Variants in METTL25 observed in about 807,000 individuals in gnomAD.
The protein encoded by METTL25 is probable methyltransferase-like protein 25.
A neutral mutation model predicts 71.6 loss-of-function variants in METTL25; 64 were observed. The observed-to-expected ratio is 0.89, with a 90% CI of 0.73 to 1.10. The LOEUF is 1.10. Among genes scored for constraint, METTL25 ranks in the 50% least tolerant of loss-of-function variants. METTL25 has a pLI of 0.00. For synonymous variants in METTL25, 287 were observed against 250.3 expected (o/e 1.15, Z -1.38); for missense variants, 807 against 707.0 (o/e 1.14, Z -1.60).
intron 5 of METTL25, among the ~76,000 whole-genome samples, chr12:82,411,854 G>A (rs1007038765): frequency 4.6e-5 from 7 of 151,980 alleles, no homozygotes; most frequent in African/African-American, 1.7e-4. Context: ...ACAATTCCAC[G>A]CTTCGGTATT....
intron 5 of METTL25, among the ~76,000 whole-genome samples, chr12:82,424,285 G>A (rs557988811): frequency 1.3e-5 from 2 of 151,664 alleles, no homozygotes; most frequent in African/African-American, 4.8e-5. Flanking sequence ...CTATCGCAAG[G>A]ACAAAAAACC....
Position 82,358,637 on chromosome 12 carries a change from G to A in METTL25, c.72G>A (p.Leu24=), listed in dbSNP as rs558091017. The change falls in exon 1 of 12, where the codon CTG becomes CTA. Residue 24 remains leucine, a synonymous_variant. Coordinates refer to ENST00000248306, the MANE Select transcript of METTL25 (RefSeq NM_032230.3). The stretch of plus-strand genomic sequence containing the variant: ...TGCGTGCCAAGTTGCAGGGACTGCT[G>A]CAGTTCCTGAGGGATGCCCTGTCCA... The part of the protein sequence containing the change: ...PTLRAKLQGL[L]QFLRDALSIS... 67 of 1,614,148 alleles carry A rather than the reference G, an allele frequency of 4.2e-5. 1 individual carries two copies. The South Asian group carries it at 6.8e-4, about 16-fold the overall frequency.
chr12:82,362,026 G>A (rs544673038), intron 1 of METTL25, among the ~76,000 whole-genome samples: 83 of 152,312 alleles, frequency 5.4e-4, no homozygotes, highest in Middle Eastern at 3.4e-3. Flanking sequence ...TTCCCAGAGC[G>A]CAATGCACAG....
At chr12:82,380,357 C>A (rs1884317726) in intron 1 of METTL25, among the ~76,000 whole-genome samples, 1 of 152,032 alleles carries the variant, frequency 6.6e-6, no homozygotes, top group Non-Finnish European at 1.5e-5. Context: ...GTACAGTAAA[C>A]CCTCATGACA....
intron 1 of METTL25, among the ~76,000 whole-genome samples, chr12:82,370,113 C>T (rs562826696): frequency 6.6e-6 from 1 of 152,282 alleles, no homozygotes; most frequent in Admixed American, 6.5e-5. Flanking sequence ...CTAGCTAATT[C>T]CTGCTGGATA....
In METTL25 at chr12:82,358,823, A is replaced by C; in HGVS notation, c.258A>C (p.Ala86=). Residue 86 remains alanine, a splice_region_variant and synonymous_variant, in exon 1 of 12, where the codon GCA becomes GCC. Transcript: ENST00000248306. ...TRPLVEAEWE[A]GMTDFPKIFC... ...CCCTAGTGGAAGCAGAGTGGGAAGC[A>C]GGTGGGTGGTGGGGTAGGCGGGGCG... 1 of 1,536,744 alleles carries C rather than the reference A, an allele frequency of 6.5e-7. No individual in the cohort carries two copies. Among genetic ancestry groups the C allele is most frequent in the Non-Finnish European group, 8.9e-7 (1 of 1,125,066 alleles).
chr12:82,442,458 A>T (rs1890422269), intron 8 of METTL25, among the ~76,000 whole-genome samples: 1 of 152,184 alleles, frequency 6.6e-6, no homozygotes, highest in South Asian at 2.1e-4. Context: ...AATTATACTG[A>T]ATGAACAGAA....
At chr12:82,384,363 G>C (rs1476590493) in intron 1 of METTL25, among the ~76,000 whole-genome samples, 2 of 147,444 alleles carry the variant, frequency 1.4e-5, no homozygotes, top group Non-Finnish European at 3.0e-5. Context: ...ATGAAGACTA[G>C]ATCATAAACA....
At chr12:82,374,738 A>G (rs775615036) in intron 1 of METTL25, among the ~76,000 whole-genome samples, 2 of 152,242 alleles carry the variant, frequency 1.3e-5, no homozygotes, top group Non-Finnish European at 2.9e-5. Flanking sequence ...GAAAATTATA[A>G]AGCATATTTC....
intron 1 of METTL25, among the ~76,000 whole-genome samples, chr12:82,369,764 A>T (rs1020166741): frequency 1.4e-4 from 13 of 90,958 alleles, no homozygotes; most frequent in Non-Finnish European, 9.4e-5. Flanking sequence ...CACAGTGCTG[A>T]TTGGTCCATT....
intron 9 of METTL25, chr12:82,474,730 C>A (rs1308937496): frequency 6.6e-6 from 1 of 152,074 alleles, no homozygotes; most frequent in East Asian, 1.9e-4. Flanking sequence ...AGTTTTGGAT[C>A]TCTTAAAACA....
chr12:82,408,481 A>T (rs1318600996), intron 5 of METTL25, among the ~76,000 whole-genome samples: 1 of 152,116 alleles, frequency 6.6e-6, no homozygotes. Flanking sequence ...AAGTGGTTAG[A>T]AGCTAAACAA....
At chr12:82,371,564 C>T (rs1883234355) in intron 1 of METTL25, among the ~76,000 whole-genome samples, 1 of 152,184 alleles carries the variant, frequency 6.6e-6, no homozygotes, top group Non-Finnish European at 1.5e-5. Context: ...TGTCCTTTGT[C>T]TAATCTCGTT....
chr12:82,430,373 T>C (rs1889385403), intron 5 of METTL25, among the ~76,000 whole-genome samples: 1 of 151,556 alleles, frequency 6.6e-6, no homozygotes, highest in Non-Finnish European at 1.5e-5. Context: ...TATTACAGTC[T>C]GTTAGTATAA....
Position 82,396,387 on chromosome 12 carries a change from C to G in METTL25, c.532-2408C>G, listed in dbSNP as rs187932635. Reference sequence around the variant, plus strand: ...ACTGGAGTTTTTCCTATGAACTGGTCTCATTGTAAGACCTTGAAACGTTTT... The same window carrying G: ...ACTGGAGTTTTTCCTATGAACTGGTGTCATTGTAAGACCTTGAAACGTTTT... On this transcript the variant is annotated intron_variant, in intron 3 of 11. Transcript: ENST00000248306. 1.9e-4 allele frequency among the ~76,000 whole-genome samples: 29 copies of G among 152,082 alleles called. No homozygotes were observed. In the East Asian group the frequency reaches 4.4e-3, roughly 23 times the overall value.
At chr12:82,402,877 T>A (rs1416907757) in intron 4 of METTL25, 106 bp from the exon 5 acceptor site, 10 of 795,206 alleles carry the variant, frequency 1.3e-5, no homozygotes, top group Non-Finnish European at 1.8e-5. Flanking sequence ...GCCACCACAG[T>A]GCAGCCTGGG....
At chr12:82,361,683 G>C (rs1362177485) in intron 1 of METTL25, among the ~76,000 whole-genome samples, 2 of 152,266 alleles carry the variant, frequency 1.3e-5, no homozygotes, top group Admixed American at 1.3e-4. Flanking sequence ...TCACTGCCTG[G>C]GGCCAGCGGT....
chr12:82,378,448 C>CT (rs914209670), intron 1 of METTL25, among the ~76,000 whole-genome samples: 10 of 152,106 alleles, frequency 6.6e-5, no homozygotes, highest in Non-Finnish European at 1.2e-4. Context: ...CTGCAAAGAC[C>CT]TTTCACTTCT....
At chr12:82,473,347 G>T (rs1892676355) in intron 9 of METTL25, among the ~76,000 whole-genome samples, 1 of 152,160 alleles carries the variant, frequency 6.6e-6, no homozygotes, top group Admixed American at 6.5e-5. Flanking sequence ...TCAAGGCCTG[G>T]AACAGGAGCG....
Sources: allele counts gnomAD v4.1 joint callset (sites outside exome capture counted in the v4.1 genomes callset), GRCh38; gene constraint gnomAD v4.1.1; transcripts MANE v1.5; gene names NCBI Gene and HGNC (gene_info 2026-07-23, HGNC 2026-07-21).